STIM2: variants seen among roughly 807,000 people sequenced by gnomAD.
The protein encoded by STIM2 is stromal interaction molecule 2.
A neutral mutation model predicts 85.8 loss-of-function variants in STIM2; 31 were observed. The observed-to-expected ratio is 0.36, with a 90% CI of 0.27 to 0.49. The LOEUF (loss-of-function observed/expected upper bound fraction) is 0.49, where lower values mean the gene tolerates loss of function less well. Ranked by LOEUF, STIM2 falls within the 20% of genes least tolerant of loss-of-function variation. The pLI is 0.98. For synonymous variants in STIM2, 356 were observed against 331.1 expected (o/e 1.08, Z -0.82); for missense variants, 841 against 927.6 (o/e 0.91, Z 1.21).
chr4:26,987,047 A>G (rs1399456406), intron 3 of STIM2, among the ~76,000 whole-genome samples: 3 of 152,228 alleles, frequency 2.0e-5, no homozygotes, highest in Non-Finnish European at 4.4e-5. Flanking sequence ...GATTGCTTTC[A>G]GCTAGAGTAT....
chr4:26,991,049 G>C (rs888205610), intron 3 of STIM2, among the ~76,000 whole-genome samples: 1 of 152,030 alleles, frequency 6.6e-6, no homozygotes, highest in Non-Finnish European at 1.5e-5. Context: ...TAAAAATAGA[G>C]CTAGCATATG....
Position 27,007,517 on chromosome 4 carries a change from C to G in STIM2, c.982-16C>G. On this transcript the variant is annotated splice_polypyrimidine_tract_variant and intron_variant, in intron 7 of 11. Transcript: ENST00000467087. ...TCCCTCTCTCCTTTCTTGCCTCCTT[C>G]CTTTCCTTCTTCTAGGTTCGCATGG... is the stretch of plus-strand genomic sequence containing the variant. The G allele has an allele frequency of 2.7e-6, 4 of 1,488,536 alleles. No homozygotes were observed. The highest frequency in any genetic ancestry group is 3.6e-6 in the Non-Finnish European group (4 of 1,112,978). The allele number at this position is 1,488,536 out of a possible 1,614,324, so 92.2% of individuals were successfully genotyped here. A position where few individuals can be genotyped will look rare whatever the true frequency, so the allele number is the denominator to read the frequency against.
chr4:26,956,425 C>G (rs929547170), intron 2 of STIM2, among the ~76,000 whole-genome samples: 4 of 147,054 alleles, frequency 2.7e-5, no homozygotes, highest in African/African-American at 1.0e-4. Context: ...TAGTTTTTAG[C>G]AAAGATGATT....
At chr4:27,016,947 G>A (rs549439925) in intron 10 of STIM2, among the ~76,000 whole-genome samples, 34 of 152,342 alleles carry the variant, frequency 2.2e-4, no homozygotes, top group African/African-American at 6.7e-4. Flanking sequence ...GTACTGGGGA[G>A]CGAAGCCACC....
At position 26,957,746 on chromosome 4, in the gene STIM2, C is replaced by G. The variant is rs1726303450; in HGVS notation, c.397+20C>G. 5.4e-6 allele frequency: 8 copies of G among 1,479,792 alleles called. No individual in the cohort carries two copies. The highest frequency in any genetic ancestry group is 1.4e-5 in the African/African-American group (1 of 71,162). The allele number at this position is 1,479,792 out of a possible 1,614,324, so 91.7% of individuals were successfully genotyped here. A position where few individuals can be genotyped will look rare whatever the true frequency, so the allele number is the denominator to read the frequency against. ...CAGAAGGTAAGACTGCCTTTGTGAT[C>G]TGGCCCCCTCCCCTTCTGCACATCT... On this transcript the variant is annotated intron_variant, in intron 3 of 11. Transcript: ENST00000467087.
At chr4:26,912,713 A>G (rs1275845390) in intron 1 of STIM2, among the ~76,000 whole-genome samples, 1 of 152,202 alleles carries the variant, frequency 6.6e-6, no homozygotes, top group South Asian at 2.1e-4. Context: ...TGTCCCCACT[A>G]TCATTTCTAT....
At chr4:26,917,172 G>A (rs1446934330) in intron 1 of STIM2, among the ~76,000 whole-genome samples, 1 of 152,170 alleles carries the variant, frequency 6.6e-6, no homozygotes. Context: ...ACAGCATTAA[G>A]TGAGGACTTA....
intron 3 of STIM2, among the ~76,000 whole-genome samples, chr4:26,992,838 G>A (rs1323112335): frequency 6.6e-6 from 1 of 152,076 alleles, no homozygotes; most frequent in Non-Finnish European, 1.5e-5. Context: ...AAAAGGAGAA[G>A]TGAATCTCCC....
chr4:26,868,955 T>C (rs1722505927), intron 1 of STIM2, among the ~76,000 whole-genome samples: 1 of 152,224 alleles, frequency 6.6e-6, no homozygotes, highest in African/African-American at 2.4e-5. Flanking sequence ...TACCCCTGGC[T>C]ATTTTTGAAT....
intron 1 of STIM2, among the ~76,000 whole-genome samples, chr4:26,879,264 A>G (rs1260362081): frequency 1.3e-5 from 2 of 151,994 alleles, no homozygotes; most frequent in African/African-American, 2.4e-5. Flanking sequence ...TGTACCAAAA[A>G]TCTCTAACGA....
intron 10 of STIM2, among the ~76,000 whole-genome samples, chr4:27,014,811 C>G (rs1728681342): frequency 6.6e-6 from 1 of 151,670 alleles, no homozygotes; most frequent in African/African-American, 2.4e-5. Context: ...ACAATTCTGC[C>G]CATTTCTGTT....
chr4:26,916,236 A>T (rs1724575712), intron 1 of STIM2, among the ~76,000 whole-genome samples: 1 of 152,228 alleles, frequency 6.6e-6, no homozygotes. Flanking sequence ...GATTTGTAAA[A>T]GCCTTGAGTC....
intron 1 of STIM2, among the ~76,000 whole-genome samples, chr4:26,875,468 C>G (rs1206113820): frequency 1.3e-5 from 2 of 152,064 alleles, no homozygotes; most frequent in East Asian, 3.8e-4. Flanking sequence ...ATAGATTCAT[C>G]ATAAGCCCTA....
chr4:27,002,781 A>G, intron 6 of STIM2, 146 bp from the exon 7 acceptor site: 2 of 775,472 alleles, frequency 2.6e-6, no homozygotes, highest in African/African-American at 1.8e-5. Context: ...TGATATTTGT[A>G]TTAACCAAAC....
At chr4:26,919,718 T>C in intron 2 of STIM2, 84 bp downstream of exon 2, 1 of 1,493,376 alleles carries the variant, frequency 6.7e-7, no homozygotes, top group Non-Finnish European at 9.0e-7. Context: ...TTCTCTTTCC[T>C]CATGTGGCTC....
intron 1 of STIM2, among the ~76,000 whole-genome samples, chr4:26,911,500 TA>T (rs1254063760): frequency 6.6e-6 from 1 of 152,200 alleles, no homozygotes; most frequent in African/African-American, 2.4e-5. Context: ...CTGTTTAGAA[TA>T]GTACTTAAGC....
chr4:26,962,608 G>GTGTGTA (rs34537284), intron 3 of STIM2, among the ~76,000 whole-genome samples: 4 of 85,690 alleles, frequency 4.7e-5, no homozygotes, highest in African/African-American at 1.8e-4. Flanking sequence ...GTGTATGTGT[G>GTGTGTA]TCTGTGTCTG....
chr4:26,888,363 G>A (rs1405684577), intron 1 of STIM2, among the ~76,000 whole-genome samples: 1 of 152,138 alleles, frequency 6.6e-6, no homozygotes. Context: ...CCTGGGTAAT[G>A]TTCATTCTCC....
At chr4:27,021,698 T>G in intron 11 of STIM2, 1 of 448,324 alleles carries the variant, frequency 2.2e-6, no homozygotes, top group Non-Finnish European at 4.5e-6. Flanking sequence ...AGAATGAGAA[T>G]GAAAGCAGGA....
Sources: allele counts gnomAD v4.1 joint callset (sites outside exome capture counted in the v4.1 genomes callset), GRCh38; gene constraint gnomAD v4.1.1; transcripts MANE v1.5; gene names NCBI Gene and HGNC (gene_info 2026-07-23, HGNC 2026-07-21).